The following VWA3B variants were observed in gnomAD, a reference collection of about 807,000 sequenced individuals.
VWA3B encodes the protein von Willebrand factor A domain-containing protein 3B.
A neutral mutation model predicts 158.3 loss-of-function variants in VWA3B; 138 were observed. The observed-to-expected ratio is 0.87, with a 90% CI of 0.76 to 1.00. VWA3B has a LOEUF of 1.00. VWA3B is among the 50% of genes least tolerant of loss of function. VWA3B has a pLI of 0.00. For synonymous variants in VWA3B, 596 were observed against 587.3 expected, an observed-to-expected ratio of 1.01 and a Z score of -0.21; for missense variants, 1,555 against 1,565.1, an observed-to-expected ratio of 0.99 and a Z score of 0.11.
chr2:98,172,428 T>C (rs149512264), intron 8 of VWA3B, among the ~76,000 whole-genome samples: 12 of 152,274 alleles, frequency 7.9e-5, no homozygotes, highest in Non-Finnish European at 1.8e-4. Flanking sequence ...CCTCCTCCGA[T>C]ATGCTCCTCT....
chr2:98,217,894 A>G lies in VWA3B; in HGVS notation c.1885A>G (p.Ile629Val), dbSNP rs761243501. ...GGTCAAACGTTTTCAGGAAATTCCT[A>G]TTTATACCATCTCCTTCAATTACAA... ...DQVKRFQEIPIYTISFNYNDE... is the reference protein window; with the variant it reads ...DQVKRFQEIPVYTISFNYNDE... The change falls in exon 14 of 28, where the codon ATT becomes GTT. Residue 629 changes from isoleucine (I) to valine (V), a missense_variant. Coordinates refer to ENST00000477737, the MANE Select transcript of VWA3B (RefSeq NM_144992.5). The G allele has an allele frequency of 1.2e-6, 2 of 1,612,304 alleles. No individual in the cohort carries two copies. The highest frequency in any genetic ancestry group is 2.7e-5 in the African/African-American group (2 of 74,730).
Position 98,312,339 on chromosome 2 carries a change from A to G in VWA3B, c.3875A>G (p.Glu1292Gly). Residue 1292 changes from glutamate to glycine, a missense_variant, in exon 28 of 28, where the codon GAG (glutamate) becomes GGG (glycine). Coordinates refer to ENST00000477737, the MANE Select transcript of VWA3B (RefSeq NM_144992.5). ...HSSKGLRSVP[E>G]TL ...AGCAAAGGGCTGAGGAGCGTCCCTG[A>G]GACACTTTAAGGCCGTCTGGTGGCA... 6.2e-7 allele frequency: 1 copy of G among 1,611,870 alleles called. No homozygotes were observed.
intron 9 of VWA3B, among the ~76,000 whole-genome samples, 159 bp from the exon 10 acceptor site, chr2:98,187,816 C>A (rs548419531): frequency 6.6e-6 from 1 of 151,920 alleles, no homozygotes; most frequent in South Asian, 2.1e-4. Flanking sequence ...CCATAGGAAG[C>A]GGGCAGCGGA....
intron 7 of VWA3B, among the ~76,000 whole-genome samples, chr2:98,139,623 T>C (rs1676589010): frequency 6.6e-6 from 1 of 152,040 alleles, no homozygotes; most frequent in South Asian, 2.1e-4. Flanking sequence ...ACTCTGTATC[T>C]AGCTACTCTG....
At chr2:98,248,417 A>G (rs1686537034) in intron 19 of VWA3B, among the ~76,000 whole-genome samples, 1 of 152,130 alleles carries the variant, frequency 6.6e-6, no homozygotes, top group Non-Finnish European at 1.5e-5. Flanking sequence ...GCAGTTGCCT[A>G]AATCCATCCC....
intron 26 of VWA3B, among the ~76,000 whole-genome samples, chr2:98,307,638 T>C (rs1460375131): frequency 6.6e-6 from 1 of 152,242 alleles, no homozygotes; most frequent in Non-Finnish European, 1.5e-5. Flanking sequence ...TAAATTTTGC[T>C]TCTAAGAGAA....
rs75661278 is a variant in VWA3B, at chr2:98,272,368, A to T, written c.3045+1485A>T. The stretch of plus-strand genomic sequence containing the variant: ...GATGCATCATGTGAGCGATGCAGGA[A>T]GGGTGCAGAGCCTCCTTTCCCTGAG... On this transcript the variant is annotated intron_variant, in intron 22 of 27. Coordinates refer to ENST00000477737, the MANE Select transcript of VWA3B (RefSeq NM_144992.5). 2.6e-3 allele frequency among the ~76,000 whole-genome samples: 395 copies of T among 152,378 alleles called. 1 individual carries two copies. Among genetic ancestry groups the T allele is most frequent in the African/African-American group, 8.9e-3 (369 of 41,598 alleles).
chr2:98,312,401 C>G lies in VWA3B; in HGVS notation c.*52C>G. 1 of 1,555,160 alleles carries G rather than the reference C, an allele frequency of 6.4e-7. No homozygotes were observed. Among genetic ancestry groups the G allele is most frequent in the Non-Finnish European group, 8.7e-7 (1 of 1,150,858 alleles). ...GAGACCAGCGTCCTTCCAGGCTGTTCAGACCTCAGCGTTGACACTGAAACT... is the reference window on the plus strand; with the variant it reads ...GAGACCAGCGTCCTTCCAGGCTGTTGAGACCTCAGCGTTGACACTGAAACT... On this transcript the variant is annotated 3_prime_UTR_variant, in exon 28 of 28. Transcript: ENST00000477737.
At chr2:98,151,057 C>A (rs1438562833) in intron 7 of VWA3B, among the ~76,000 whole-genome samples, 3 of 152,154 alleles carry the variant, frequency 2.0e-5, no homozygotes, top group African/African-American at 7.2e-5. Context: ...TTCTTGATCA[C>A]AGGTCTACAT....
intron 12 of VWA3B, among the ~76,000 whole-genome samples, chr2:98,196,278 C>T (rs1388207738): frequency 6.6e-6 from 1 of 152,126 alleles, no homozygotes; most frequent in East Asian, 1.9e-4. Context: ...TAAGTGTTCT[C>T]ACCACTCAAA....
rs150235481 is a variant in VWA3B at position 98,272,424 on chromosome 2, G to A, written c.3045+1541G>A. On this transcript the variant is annotated intron_variant, in intron 22 of 27. Coordinates refer to ENST00000477737, the MANE Select transcript of VWA3B (RefSeq NM_144992.5). ...TCCCTGGGTGGGCCACCCTCCAGGAGCCTCCATGTGTTCAGCTGTCAGTAA... is the reference window on the plus strand; with the variant it reads ...TCCCTGGGTGGGCCACCCTCCAGGAACCTCCATGTGTTCAGCTGTCAGTAA... Among the ~76,000 whole-genome samples the A allele has an allele frequency of 4.9e-3, 747 of 152,330 alleles. 6 individuals are homozygous for A. The highest frequency in any genetic ancestry group is 8.6e-3 in the Non-Finnish European group (588 of 68,020).
chr2:98,257,293 T>C (rs72817788), intron 21 of VWA3B, among the ~76,000 whole-genome samples: 20,413 of 152,082 alleles, frequency 0.13, 2,098 homozygotes, highest in Non-Finnish European at 0.2. Context: ...TTGCTGCAAA[T>C]GATAGGATTT....
At chr2:98,215,993 TG>T (rs1290825399) in intron 13 of VWA3B, among the ~76,000 whole-genome samples, 3 of 152,254 alleles carry the variant, frequency 2.0e-5, no homozygotes, top group African/African-American at 4.8e-5. Context: ...TTCCATTTTT[TG>T]CTTTTGAATT....
the VWA3B span, among the ~76,000 whole-genome samples, chr2:98,322,265 T>C: frequency 2.0e-5 from 3 of 152,048 alleles, no homozygotes; most frequent in Non-Finnish European, 2.9e-5. Flanking sequence ...AAACTGCAAA[T>C]GGAGAAGGAA....
chr2:98,174,854 C>T (rs190502053), intron 8 of VWA3B, among the ~76,000 whole-genome samples: 1 of 152,296 alleles, frequency 6.6e-6, no homozygotes, highest in Admixed American at 6.5e-5. Flanking sequence ...AAAGTGTGGC[C>T]TGATACACAC....
At chr2:98,236,876 A>G in intron 19 of VWA3B, 146 bp downstream of exon 19, 3 of 1,205,916 alleles carry the variant, frequency 2.5e-6, no homozygotes, top group Non-Finnish European at 3.4e-6. Flanking sequence ...TAAAAGGGAG[A>G]GAGAGAGGCT....
chr2:98,305,831 G>A (rs1274135777), intron 26 of VWA3B, among the ~76,000 whole-genome samples: 1 of 152,060 alleles, frequency 6.6e-6, no homozygotes, highest in Non-Finnish European at 1.5e-5. Context: ...CACCATAAGG[G>A]CTGAGCAGAA....
At chr2:98,091,120 C>T (rs60888966) in intron 1 of VWA3B, among the ~76,000 whole-genome samples, 4 of 152,234 alleles carry the variant, frequency 2.6e-5, no homozygotes, top group East Asian at 1.9e-4. Flanking sequence ...TAAAGATTAG[C>T]GTTCCGGATG....
chr2:98,093,398 A>G, intron 2 of VWA3B, 110 bp downstream of exon 2: 1 of 1,104,578 alleles, frequency 9.1e-7, no homozygotes, highest in Non-Finnish European at 1.3e-6. Flanking sequence ...GCTTGCTTTG[A>G]TCTTATATCC....
Sources: allele counts gnomAD v4.1 joint callset (sites outside exome capture counted in the v4.1 genomes callset), GRCh38; gene constraint gnomAD v4.1.1; transcripts MANE v1.5; gene names NCBI Gene and HGNC (gene_info 2026-07-23, HGNC 2026-07-21).